Variants in SMYD3 observed in about 807,000 individuals in gnomAD.
The protein encoded by SMYD3 is SET and MYND domain containing 3, also known as histone-lysine N-methyltransferase SMYD3.
A neutral mutation model predicts 57.7 loss-of-function variants in SMYD3; 36 were observed. The ratio of observed to expected loss-of-function variants is 0.62; its 90% CI spans 0.48 to 0.82. The LOEUF (loss-of-function observed/expected upper bound fraction) is 0.82. Among genes scored for constraint, SMYD3 ranks in the 40% least tolerant of loss-of-function variants. SMYD3 has a pLI of 0.00. For missense variants in SMYD3, 515 were observed against 538.8 expected (o/e 0.96, Z 0.44); for synonymous variants, 211 against 195.0 (o/e 1.08, Z -0.68).
chr1:246,162,130 G>A (rs1285206284), intron 5 of SMYD3, among the ~76,000 whole-genome samples: 12 of 152,244 alleles, frequency 7.9e-5, no homozygotes, highest in Non-Finnish European at 2.9e-5. Context: ...AACATAAGTC[G>A]GTGGGAGCAA....
chr1:246,088,837 A>G (rs2060772874), intron 5 of SMYD3, among the ~76,000 whole-genome samples: 1 of 114,928 alleles, frequency 8.7e-6, no homozygotes, highest in Non-Finnish European at 2.4e-5. Context: ...GAAGATGGCA[A>G]ATGTTTTTAT....
chr1:246,124,271 G>A (rs1168000715), intron 5 of SMYD3, among the ~76,000 whole-genome samples: 1 of 152,114 alleles, frequency 6.6e-6, no homozygotes, highest in Non-Finnish European at 1.5e-5. Flanking sequence ...TCTCTAGTTT[G>A]TTTCCCAGTC....
At chr1:245,969,289 G>T (rs1385910848) in intron 5 of SMYD3, among the ~76,000 whole-genome samples, 3 of 152,200 alleles carry the variant, frequency 2.0e-5, no homozygotes, top group Non-Finnish European at 4.4e-5. Flanking sequence ...GTGTTAGTGA[G>T]ACCATCAGCA....
intron 10 of SMYD3, among the ~76,000 whole-genome samples, chr1:245,792,889 T>C (rs113870064): frequency 6.6e-6 from 1 of 152,242 alleles, no homozygotes; most frequent in Admixed American, 6.5e-5. Context: ...TGCCATCCAG[T>C]ACCATAATGA....
At chr1:245,768,189 C>T (rs542462809) in intron 10 of SMYD3, among the ~76,000 whole-genome samples, 18 of 152,264 alleles carry the variant, frequency 1.2e-4, no homozygotes, top group Non-Finnish European at 2.1e-4. Flanking sequence ...TGCTAGCAAT[C>T]ACATGTTCCA....
intron 1 of SMYD3, among the ~76,000 whole-genome samples, chr1:246,481,162 T>C (rs895034187): frequency 6.6e-6 from 1 of 152,176 alleles, no homozygotes; most frequent in African/African-American, 2.4e-5. Flanking sequence ...AGACTATAGA[T>C]GTAATTAATC....
At chr1:246,231,250 C>T (rs2063404760) in intron 5 of SMYD3, among the ~76,000 whole-genome samples, 1 of 152,284 alleles carries the variant, frequency 6.6e-6, no homozygotes, top group South Asian at 2.1e-4. Context: ...TATATTTTCT[C>T]TGGTTTCCTG....
At chr1:245,990,691 T>C (rs999769989) in intron 5 of SMYD3, among the ~76,000 whole-genome samples, 44 of 152,282 alleles carry the variant, frequency 2.9e-4, no homozygotes, top group African/African-American at 1.1e-3. Context: ...CTCTAGAAGC[T>C]GGAAAAGGCA....
At chr1:246,503,127 C>A (rs2068482871) in intron 1 of SMYD3, among the ~76,000 whole-genome samples, 1 of 152,158 alleles carries the variant, frequency 6.6e-6, no homozygotes, top group South Asian at 2.1e-4. Flanking sequence ...AGAACTTTAG[C>A]CAGCCAAGAA....
Position 246,355,630 on chromosome 1 carries a change from G to A in SMYD3, c.165-536C>T, listed in dbSNP as rs1334879494. The stretch of plus-strand genomic sequence containing the variant: ...CGGTGGGAGTGAGACCAGCCTTTAG[G>A]ACTGCGGGCTGTGTGGGAGTGGGAT... On this transcript the variant is annotated intron_variant, in intron 1 of 11. Transcript: ENST00000490107. The surrounding 1 kb of genome is among the most constrained non-coding windows in gnomAD (Gnocchi z 5.0). 6.6e-6 allele frequency among the ~76,000 whole-genome samples: 1 copy of A among 152,130 alleles called. No homozygotes were observed. The highest frequency in any genetic ancestry group is 2.4e-5 in the African/African-American group (1 of 41,426).
intron 5 of SMYD3, among the ~76,000 whole-genome samples, chr1:245,976,947 G>A (rs1278732744): frequency 2.5e-4 from 10 of 40,602 alleles, no homozygotes; most frequent in African/African-American, 7.8e-4. Flanking sequence ...GAAAGCCATC[G>A]TCTCTAGCCT....
intron 8 of SMYD3, among the ~76,000 whole-genome samples, chr1:245,894,714 G>C (rs1239260324): frequency 6.6e-6 from 1 of 152,176 alleles, no homozygotes; most frequent in Non-Finnish European, 1.5e-5. Context: ...CGTACCTGTG[G>C]ACCATGTGTT....
chr1:246,140,870 C>A (rs1225292347), intron 5 of SMYD3, among the ~76,000 whole-genome samples: 3 of 152,172 alleles, frequency 2.0e-5, no homozygotes, highest in Admixed American at 1.3e-4. Flanking sequence ...GCTGGGATCA[C>A]AGAACTGAGC....
chr1:246,000,593 C>G (rs911555618), intron 5 of SMYD3, among the ~76,000 whole-genome samples: 2 of 152,196 alleles, frequency 1.3e-5, no homozygotes, highest in South Asian at 4.1e-4. Flanking sequence ...GGACTTCTCT[C>G]TGTTTCCCCC....
At chr1:246,094,554 C>T (rs2060880176) in intron 5 of SMYD3, among the ~76,000 whole-genome samples, 1 of 152,158 alleles carries the variant, frequency 6.6e-6, no homozygotes, top group African/African-American at 2.4e-5. Flanking sequence ...ATGTCCCCCG[C>T]CTCGCCACCA....
At chr1:246,450,432 A>G (rs1204736013) in intron 1 of SMYD3, among the ~76,000 whole-genome samples, 4 of 152,074 alleles carry the variant, frequency 2.6e-5, no homozygotes, top group Non-Finnish European at 5.9e-5. Context: ...TCTTCTCTCA[A>G]CCTGCTTCTT....
At chr1:246,433,058 T>C (rs1370719818) in intron 1 of SMYD3, among the ~76,000 whole-genome samples, 2 of 152,206 alleles carry the variant, frequency 1.3e-5, no homozygotes, top group African/African-American at 4.8e-5. Context: ...TATGATTCTA[T>C]ACCTATAAAA....
At chr1:245,953,282 C>T in intron 5 of SMYD3, 1 of 999,880 alleles carries the variant, frequency 1.0e-6, no homozygotes, top group Non-Finnish European at 1.2e-6. Flanking sequence ...GGAAACTTCA[C>T]TGCACATTAA....
intron 5 of SMYD3, among the ~76,000 whole-genome samples, chr1:245,974,202 ATC>A (rs1279998432): frequency 6.6e-6 from 1 of 152,104 alleles, no homozygotes; most frequent in East Asian, 1.9e-4. Context: ...ATGAGAAAAA[ATC>A]TCTCTTTAAA....
Sources: allele counts gnomAD v4.1 joint callset (sites outside exome capture counted in the v4.1 genomes callset), GRCh38; gene constraint gnomAD v4.1.1; non-coding constraint Gnocchi (gnomAD v3.1); transcripts MANE v1.5; gene names NCBI Gene and HGNC (gene_info 2026-07-23, HGNC 2026-07-21).